ATP1A1: variants seen among roughly 807,000 people sequenced by gnomAD.
ATP1A1 encodes the protein ATPase Na+/K+ transporting subunit alpha 1, also known as sodium/potassium-transporting ATPase subunit alpha-1.
ATP1A1 carries 14 observed loss-of-function variants against 114.8 expected under a neutral mutation model. That is an observed-to-expected ratio of 0.12 (90% CI 0.08 to 0.19). The LOEUF is 0.19. ATP1A1 is among the 10% of genes least tolerant of loss of function. The probability of loss-of-function intolerance (pLI) is 1.00; values close to 1 mark genes in which losing one functional copy is unlikely to be tolerated. For synonymous variants in ATP1A1, 471 were observed against 466.3 expected, an observed-to-expected ratio of 1.01 and a Z score of -0.13; for missense variants, 524 against 1,290.7, an observed-to-expected ratio of 0.41 and a Z score of 9.10.
At chr1:116,377,756 G>T (rs1191770929) in intron 1 of ATP1A1, among the ~76,000 whole-genome samples, 1 of 152,212 alleles carries the variant, frequency 6.6e-6, no homozygotes, top group African/African-American at 2.4e-5. Flanking sequence ...AGAAACCCGA[G>T]TGTCAGATCA....
Position 116,384,032 on chromosome 1 carries a change from G to A in ATP1A1, c.31G>A (p.Glu11Lys). The A allele has an allele frequency of 6.2e-7, 1 of 1,614,080 alleles. No individual in the cohort carries two copies. Among genetic ancestry groups the A allele is most frequent in the Non-Finnish European group, 8.5e-7 (1 of 1,179,980 alleles). The change falls in exon 2 of 23, where the codon GAG (glutamate) becomes AAG (lysine). Residue 11 changes from glutamate to lysine, a missense_variant. By Grantham distance (56) the Glu-to-Lys change is moderately conservative (BLOSUM62 1). Around this residue, in one of 8 missense-constraint regions of ATP1A1, gnomAD observed 33 missense variants for 31.2 expected, o/e 1.06. Transcript: ENST00000295598. The surrounding 1 kb of genome is among the most constrained non-coding windows in gnomAD (Gnocchi z 5.1). MGKGVGRDKYEPAAVSEQGDK... is the reference protein window; with the variant it reads MGKGVGRDKYKPAAVSEQGDK... ...CCTACAGGTTGGACGTGATAAGTAT[G>A]AGCCTGCAGCTGTTTCAGAACAAGG... is the stretch of plus-strand genomic sequence containing the variant.
intron 10 of ATP1A1, among the ~76,000 whole-genome samples, chr1:116,392,067 TTC>T (rs1652510123): frequency 6.6e-6 from 1 of 152,254 alleles, no homozygotes; most frequent in Non-Finnish European, 1.5e-5. Flanking sequence ...GCTGCTATAC[TTC>T]TGAGCATTGA....
Position 116,395,389 on chromosome 1 carries a change from C to T in ATP1A1, c.1836+104C>T. 8.1e-7 allele frequency: 1 copy of T among 1,235,250 alleles called. No homozygotes were observed. Among genetic ancestry groups the T allele is most frequent in the South Asian group, 1.6e-5 (1 of 61,474 alleles). The allele number at this position is 1,235,250 out of a possible 1,614,324, so 76.5% of individuals were successfully genotyped here. On this transcript the variant is annotated intron_variant, in intron 13 of 22. Transcript: ENST00000295598. This position sits in a 1 kb window ranked among gnomAD's most constrained non-coding sequence, Gnocchi z 6.4. ...CCAGATGGCCAGCTGTTCTATCTCA[C>T]CTGGAGTATTAATTTCTCATCTCCA...
At chr1:116,391,656 A>C (rs1201931269) in intron 10 of ATP1A1, among the ~76,000 whole-genome samples, 1 of 152,222 alleles carries the variant, frequency 6.6e-6, no homozygotes, top group Admixed American at 6.5e-5. Flanking sequence ...TTCTGTGATG[A>C]GGATAGGGTT....
chr1:116,397,562 C>T lies in ATP1A1; in HGVS notation c.1974-326C>T, dbSNP rs1653035152. 6.6e-6 allele frequency among the ~76,000 whole-genome samples: 1 copy of T among 152,204 alleles called. No individual in the cohort carries two copies. Among genetic ancestry groups the T allele is most frequent in the Non-Finnish European group, 1.5e-5 (1 of 68,044 alleles). ...CCTCAAGTGATCCACTCACCTCAGC[C>T]TCCCAAAGTGCTGGGATTACAGGCA... is the stretch of plus-strand genomic sequence containing the variant. On this transcript the variant is annotated intron_variant, in intron 14 of 22. Coordinates refer to ENST00000295598, the MANE Select transcript of ATP1A1 (RefSeq NM_000701.8). This position sits in a 1 kb window ranked among gnomAD's most constrained non-coding sequence, Gnocchi z 4.2.
Position 116,374,649 on chromosome 1 carries a change from A to G in ATP1A1, c.12+1126A>G, listed in dbSNP as rs550408508. On this transcript the variant is annotated intron_variant, in intron 1 of 22. Coordinates refer to ENST00000295598, the MANE Select transcript of ATP1A1 (RefSeq NM_000701.8). The stretch of plus-strand genomic sequence containing the variant: ...TGGGCCCTGGACCCCAAATGAGCCA[A>G]AGTCTAGTTGAGAAAAATTTACACA... 3.9e-5 allele frequency among the ~76,000 whole-genome samples: 6 copies of G among 152,318 alleles called. No homozygotes were observed. In the South Asian group the frequency reaches 1.2e-3, roughly 32 times the overall value.
Position 116,393,456 on chromosome 1 carries a change from G to T in ATP1A1, c.1468-75G>T. On this transcript the variant is annotated intron_variant, in intron 11 of 22. Coordinates refer to ENST00000295598, the MANE Select transcript of ATP1A1 (RefSeq NM_000701.8). This position sits in a 1 kb window ranked among gnomAD's most constrained non-coding sequence, Gnocchi z 5.0. ...TTTTATAGCAAATACTAAATAGTAA[G>T]TGAAGCTTTGTTTTCCACCATGGAC... The T allele has an allele frequency of 6.8e-7, 1 of 1,464,166 alleles. No homozygotes were observed. Among genetic ancestry groups the T allele is most frequent in the Non-Finnish European group, 9.2e-7 (1 of 1,081,964 alleles). 90.7% of individuals were successfully genotyped at this position (1,464,166 alleles called of 1,614,324 possible). A position where few individuals can be genotyped will look rare whatever the true frequency, so the allele number is the denominator to read the frequency against.
In ATP1A1 at chr1:116,388,160, T is replaced by C. The variant is rs1407579054; in HGVS notation, c.417T>C (p.Val139=). 6.2e-7 allele frequency: 1 copy of C among 1,614,118 alleles called. No individual in the cohort carries two copies. Among genetic ancestry groups the C allele is most frequent in the Non-Finnish European group, 8.5e-7 (1 of 1,179,970 alleles). The change falls in exon 5 of 23, where the codon GTT becomes GTC. Residue 139 remains valine, a synonymous_variant. Coordinates refer to ENST00000295598, the MANE Select transcript of ATP1A1 (RefSeq NM_000701.8). This position sits in a 1 kb window ranked among gnomAD's most constrained non-coding sequence, Gnocchi z 5.6. ...ACCTGGGTGTGGTGCTATCAGCCGT[T>C]GTAATCATAACTGGTTGCTTCTCCT... ...NLYLGVVLSA[V]VIITGCFSYY... is the part of the protein sequence containing the mutation.
At chr1:116,375,867 C>T (rs920473137) in intron 1 of ATP1A1, among the ~76,000 whole-genome samples, 4 of 152,166 alleles carry the variant, frequency 2.6e-5, no homozygotes, top group Middle Eastern at 3.2e-3. Context: ...CTCCTCAGTA[C>T]CCTTTGTGGC....
rs765820803 is a variant in ATP1A1 at position 116,384,887 on chromosome 1, G to C, written c.183+45G>C. On this transcript the variant is annotated intron_variant, in intron 3 of 22. Coordinates refer to ENST00000295598, the MANE Select transcript of ATP1A1 (RefSeq NM_000701.8). The surrounding 1 kb of genome is among the most constrained non-coding windows in gnomAD (Gnocchi z 5.1). Reference sequence around the variant, plus strand: ...CTGTTGTACAAAATCCTAGTTTTCCGTATTATATTTTCCCCTGTATTACAT... The same window carrying C: ...CTGTTGTACAAAATCCTAGTTTTCCCTATTATATTTTCCCCTGTATTACAT... 1 of 1,588,822 alleles carries C rather than the reference G, an allele frequency of 6.3e-7. No homozygotes were observed. Among genetic ancestry groups the C allele is most frequent in the Non-Finnish European group, 8.6e-7 (1 of 1,157,344 alleles).
At position 116,396,276 on chromosome 1, in the gene ATP1A1, C is replaced by CTT. The variant is rs367825500; in HGVS notation, c.1837-302_1837-301dup. On this transcript the variant is annotated intron_variant, in intron 13 of 22. Coordinates refer to ENST00000295598, the MANE Select transcript of ATP1A1 (RefSeq NM_000701.8). ...GTCCCACCAGCATCAGATTTTTATC[C>CTT]TTTTTTTTTTTTTTTTTTTTTGCTG... 9.5e-3 allele frequency among the ~76,000 whole-genome samples: 970 copies of CTT among 102,594 alleles called. 25 individuals carry two copies. The highest frequency in any genetic ancestry group is 0.035 in the African/African-American group (855 of 24,638). The allele number at this position is 102,594 out of a possible 152,430, so 67.3% of individuals were successfully genotyped here.
chr1:116,383,131 C>T (rs991163911), intron 1 of ATP1A1, among the ~76,000 whole-genome samples: 2 of 152,138 alleles, frequency 1.3e-5, no homozygotes, highest in Non-Finnish European at 2.9e-5. Context: ...TTTCAAGAGG[C>T]GTAGGTGGAT....
intron 1 of ATP1A1, among the ~76,000 whole-genome samples, chr1:116,380,982 T>C (rs1397577754): frequency 6.6e-6 from 1 of 151,114 alleles, no homozygotes; most frequent in Non-Finnish European, 1.5e-5. Flanking sequence ...CTTTAGAAAA[T>C]AGTGTAATCC....
chr1:116,390,314 T>C lies in ATP1A1; in HGVS notation c.1125T>C (p.Ser375=), dbSNP rs2101046559. The part of the protein sequence containing the change: ...ETLGSTSTIC[S]DKTGTLTQNR... ...TGGGGTCCACGTCCACCATCTGCTC[T>C]GATAAAACTGGAACTCTGACTCAGA... Residue 375 remains serine, a synonymous_variant, in exon 9 of 23, where the codon TCT becomes TCC. Coordinates refer to ENST00000295598, the MANE Select transcript of ATP1A1 (RefSeq NM_000701.8). 1 of 1,614,170 alleles carries C rather than the reference T, an allele frequency of 6.2e-7. No homozygotes were observed. The highest frequency in any genetic ancestry group is 8.5e-7 in the Non-Finnish European group (1 of 1,180,024).
Position 116,398,852 on chromosome 1 carries a change from C to T in ATP1A1, c.2293+63C>T. ...AGATACTGCCCATTAGCATCCATTT[C>T]TGTATACTTCTTGGATATGTTCAGT... On this transcript the variant is annotated intron_variant, in intron 16 of 22. Transcript: ENST00000295598. The surrounding 1 kb of genome is among the most constrained non-coding windows in gnomAD (Gnocchi z 6.1). The T allele has an allele frequency of 6.2e-7, 1 of 1,609,500 alleles. No individual in the cohort carries two copies. The highest frequency in any genetic ancestry group is 8.5e-7 in the Non-Finnish European group (1 of 1,176,456).
At position 116,396,681 on chromosome 1, in the gene ATP1A1, C is replaced by T. The variant is rs369189037; in HGVS notation, c.1920C>T (p.Thr640=). The change falls in exon 14 of 23, where the codon ACC becomes ACT. Residue 640 remains threonine, a synonymous_variant. Transcript: ENST00000295598. The part of the protein sequence containing the change: ...GVGIISEGNE[T]VEDIAARLNI... ...GCATCATCTCAGAAGGCAATGAGACCGTGGAAGACATTGCTGCCCGCCTCA... is the reference window on the plus strand; with the variant it reads ...GCATCATCTCAGAAGGCAATGAGACTGTGGAAGACATTGCTGCCCGCCTCA... The T allele has an allele frequency of 4.5e-5, 72 of 1,606,772 alleles. 1 individual carries two copies. The South Asian group carries it at 5.1e-4, about 11-fold the overall frequency.
At position 116,398,613 on chromosome 1, in the gene ATP1A1, T is replaced by TG; in HGVS notation, c.2125-4dup. On this transcript the variant is annotated splice_polypyrimidine_tract_variant and splice_region_variant and intron_variant, in intron 15 of 22. Transcript: ENST00000295598. This position sits in a 1 kb window ranked among gnomAD's most constrained non-coding sequence, Gnocchi z 6.1. ...TGGTATTAACCCGTTTTCCCTTTTC[T>TG]GGGGTAGGGTGCTATCGTGGCTGTG... The TG allele has an allele frequency of 6.2e-7, 1 of 1,611,810 alleles. No homozygotes were observed. The highest frequency in any genetic ancestry group is 8.5e-7 in the Non-Finnish European group (1 of 1,178,636).
intron 1 of ATP1A1, chr1:116,382,435 C>T (rs893008734): frequency 2.0e-5 from 3 of 152,094 alleles, no homozygotes; most frequent in African/African-American, 7.2e-5. Context: ...AAAGAGGCAC[C>T]AACAAATGTG....
chr1:116,373,754 T>C (rs936944241), intron 1 of ATP1A1: 5 of 836,160 alleles, frequency 6.0e-6, no homozygotes, highest in Non-Finnish European at 6.9e-6. Flanking sequence ...GCGGCATTGC[T>C]TAGGGGGGTG....
Sources: gnomAD v4.1 joint callset for allele counts (sites outside exome capture counted in the v4.1 genomes callset) on GRCh38, gnomAD v4.1.1 for gene constraint, gnomAD v4.1.1 regional missense constraint, Gnocchi (gnomAD v3.1) non-coding constraint, MANE v1.5 for transcripts, NCBI Gene and HGNC (gene_info 2026-07-23, HGNC 2026-07-21) for gene names.